Variants in SLC6A9 observed in about 807,000 individuals in gnomAD.
SLC6A9 encodes sodium- and chloride-dependent glycine transporter 1.
Under a neutral mutation model 70.9 loss-of-function variants are expected in SLC6A9, and 31 were observed. The ratio of observed to expected loss-of-function variants is 0.44; its 90% CI spans 0.33 to 0.59. The LOEUF is 0.59. Ranked by LOEUF, SLC6A9 falls within the 20% of genes least tolerant of loss-of-function variation. The probability of loss-of-function intolerance (pLI) is 0.04; values close to 1 mark genes in which losing one functional copy is unlikely to be tolerated. For missense variants in SLC6A9, 631 were observed against 845.2 expected, an observed-to-expected ratio of 0.75 and a Z score of 3.14; for synonymous variants, 310 against 341.3, an observed-to-expected ratio of 0.91 and a Z score of 1.01.
intron 1 of SLC6A9, among the ~76,000 whole-genome samples, chr1:44,025,525 C>T (rs892778318): frequency 4.6e-5 from 7 of 150,560 alleles, no homozygotes; most frequent in Non-Finnish European, 8.8e-5. Context: ...CTTGGCCAGA[C>T]GTGGTGGCTC....
chr1:44,024,934 C>T (rs998498183), intron 1 of SLC6A9, among the ~76,000 whole-genome samples: 1 of 152,240 alleles, frequency 6.6e-6, no homozygotes, highest in African/African-American at 2.4e-5. Flanking sequence ...TGAAATTCTA[C>T]AAATCTTCGG....
intron 12 of SLC6A9, among the ~76,000 whole-genome samples, chr1:43,999,642 G>C (rs2086014001): frequency 1.3e-5 from 2 of 152,168 alleles, no homozygotes; most frequent in Admixed American, 1.3e-4. Flanking sequence ...CCAGTGGCCA[G>C]AGCGGGGAGC....
intron 2 of SLC6A9, chr1:44,011,602 G>A (rs779171781): frequency 1.9e-6 from 3 of 1,614,102 alleles, no homozygotes; most frequent in South Asian, 1.1e-5. Flanking sequence ...AGTTGGGGAA[G>A]GAGACCAGAG....
rs1256515157 is a variant in SLC6A9, at chr1:44,030,141, G to A, written c.-86+1165C>T. On this transcript the variant is annotated intron_variant, in intron 1 of 13. Transcript: ENST00000372310. ...GCCGGCCCGAGGCGCGGAGGCCTCCGGCCGGCGGGCAGGGGCGCGGTCGGT... is the reference window on the plus strand; with the variant it reads ...GCCGGCCCGAGGCGCGGAGGCCTCCAGCCGGCGGGCAGGGGCGCGGTCGGT... Among the ~76,000 whole-genome samples, 4 of 152,096 alleles carry A rather than the reference G, an allele frequency of 2.6e-5. No homozygotes were observed. The South Asian group carries it at 6.2e-4, about 24-fold the overall frequency.
rs61601279 is a variant in SLC6A9 at position 44,010,456 on chromosome 1, CGGGGGGGGG to C, written c.187+261_187+269del. The C allele has an allele frequency of 9.1e-5, 5 of 54,774 alleles. 1 individual carries two copies. Among genetic ancestry groups the C allele is most frequent in the Non-Finnish European group, 2.7e-4 (5 of 18,378 alleles). The allele number at this position is 54,774 out of a possible 1,614,324, so 3.4% of individuals were successfully genotyped here. ...GGAATAGAACAGGGAGCCTTGTGGG[CGGGGGGGGG>C]GGGGGGTTAGGTCCTTTTCTCACCT... On this transcript the variant is annotated intron_variant, in intron 3 of 13. Coordinates refer to ENST00000372310, the MANE Select transcript of SLC6A9 (RefSeq NM_001024845.3).
intron 2 of SLC6A9, among the ~76,000 whole-genome samples, chr1:44,019,529 C>T (rs973165260): frequency 6.6e-6 from 1 of 152,268 alleles, no homozygotes. Flanking sequence ...GGTCCCGTCA[C>T]CCATGATGCC....
chr1:43,998,074 G>T, intron 12 of SLC6A9, 49 bp from the exon 13 acceptor site: 1 of 1,533,800 alleles, frequency 6.5e-7, no homozygotes, highest in Non-Finnish European at 8.9e-7. Flanking sequence ...CCAGAGCCCA[G>T]ACCCCAGGCC....
chr1:44,030,310 C>CCCCCGG (rs1273148853), intron 1 of SLC6A9: 1 of 152,202 alleles, frequency 6.6e-6, no homozygotes, highest in Non-Finnish European at 1.5e-5. Context: ...GGCGGCCCCG[C>CCCCCGG]CCCCGGCCCC....
At chr1:43,998,982 A>AGC (rs1553160175) in intron 12 of SLC6A9, among the ~76,000 whole-genome samples, 8 of 134,682 alleles carry the variant, frequency 5.9e-5, no homozygotes, top group African/African-American at 1.1e-4. Flanking sequence ...TGGCGGGGGA[A>AGC]GGGGGGGGGC....
At chr1:44,016,915 G>T in intron 2 of SLC6A9, 2 of 892,044 alleles carry the variant, frequency 2.2e-6, no homozygotes, top group Non-Finnish European at 3.3e-6. Flanking sequence ...TTTGGCTGGT[G>T]TCTGTCTTGC....
Position 44,010,852 on chromosome 1 carries a change from T to C in SLC6A9, c.61A>G (p.Arg21Gly). The C allele has an allele frequency of 6.2e-7, 1 of 1,614,198 alleles. No homozygotes were observed. Among genetic ancestry groups the C allele is most frequent in the Non-Finnish European group, 8.5e-7 (1 of 1,180,024 alleles). Residue 21 changes from arginine (R) to glycine (G), a missense_variant, in exon 3 of 14, where the codon AGG becomes GGG. Arg to Gly is a moderately radical substitution (Grantham distance 125). Coordinates refer to ENST00000372310, the MANE Select transcript of SLC6A9 (RefSeq NM_001024845.3). ...NGAVPSEATK[R>G]DQNLKRGNWG... ...TTGCCCCGTTTGAGGTTCTGGTCCCTCTTGGTGGCCTCGCTGGGCACAGCA... is the reference window on the plus strand; with the variant it reads ...TTGCCCCGTTTGAGGTTCTGGTCCCCCTTGGTGGCCTCGCTGGGCACAGCA...
chr1:44,007,892 CT>C (rs55829171), intron 5 of SLC6A9, among the ~76,000 whole-genome samples: 102,860 of 128,912 alleles, frequency 0.8, 40,748 homozygotes, highest in Non-Finnish European at 0.82. Context: ...TGCTTTCTTT[CT>C]TTTTTTTTTT....
intron 2 of SLC6A9, chr1:44,017,113 C>A: frequency 6.2e-7 from 1 of 1,606,194 alleles, no homozygotes; most frequent in South Asian, 1.1e-5. Flanking sequence ...CGATCGCAGC[C>A]CGCGTGTCTC....
At position 44,002,387 on chromosome 1, in the gene SLC6A9, G is replaced by A; in HGVS notation, c.888C>T (p.Phe296=). ...CTCCCCACGCGCAGCCCAGTGAGTAGAAGATCTGGGAGGCAGCATCACCCC... is the reference window on the plus strand; with the variant it reads ...CTCCCCACGCGCAGCCCAGTGAGTAAAAGATCTGGGAGGCAGCATCACCCC... The part of the protein sequence containing the change: ...KVWGDAASQI[F]YSLGCAWGGL... The change falls in exon 8 of 14, where the codon TTC becomes TTT. Residue 296 remains phenylalanine, a synonymous_variant. Coordinates refer to ENST00000372310, the MANE Select transcript of SLC6A9 (RefSeq NM_001024845.3). The surrounding 1 kb of genome is among the most constrained non-coding windows in gnomAD (Gnocchi z 5.5). 6.2e-7 allele frequency: 1 copy of A among 1,614,138 alleles called. No individual in the cohort carries two copies. The highest frequency in any genetic ancestry group is 1.3e-5 in the African/African-American group (1 of 75,046).
Position 44,009,976 on chromosome 1 carries a change from G to A in SLC6A9, c.308C>T (p.Pro103Leu). 1 of 1,614,042 alleles carries A rather than the reference G, an allele frequency of 6.2e-7. No homozygotes were observed. Among genetic ancestry groups the A allele is most frequent in the Non-Finnish European group, 8.5e-7 (1 of 1,179,942 alleles). Residue 103 changes from proline to leucine, a missense_variant, in exon 4 of 14, where the codon CCC (proline) becomes CTC (leucine). Coordinates refer to ENST00000372310, the MANE Select transcript of SLC6A9 (RefSeq NM_001024845.3). ...CGCCCAGGCCTCACCTTTGAACATGGGGCTGATCCTCCAGACCCCCAGGCA... is the reference window on the plus strand; with the variant it reads ...CGCCCAGGCCTCACCTTTGAACATGAGGCTGATCCTCCAGACCCCCAGGCA... The part of the protein sequence containing the change: ...QGCLGVWRIS[P>L]MFKGVGYGMM...
intron 2 of SLC6A9, among the ~76,000 whole-genome samples, chr1:44,020,224 G>A (rs1460434662): frequency 2.0e-5 from 3 of 152,184 alleles, no homozygotes; most frequent in Non-Finnish European, 4.4e-5. Context: ...AGCACCTGCT[G>A]TGTGTGAGAA....
At chr1:44,003,504 C>T (rs1291248397) in intron 5 of SLC6A9, among the ~76,000 whole-genome samples, 1 of 152,158 alleles carries the variant, frequency 6.6e-6, no homozygotes, top group Non-Finnish European at 1.5e-5. Flanking sequence ...CACCTGTAAT[C>T]CCAGCACTTT....
At chr1:44,010,653 G>A in intron 3 of SLC6A9, 73 bp downstream of exon 3, 2 of 1,450,350 alleles carry the variant, frequency 1.4e-6, no homozygotes, top group Non-Finnish European at 1.9e-6. Flanking sequence ...CTGTGCCAGG[G>A]AGAGGGTGGC....
In SLC6A9 at chr1:44,031,401, CTG is replaced by C. The variant is rs2087119847; in HGVS notation, c.-183_-182del. Reference sequence around the variant, plus strand: ...AAAGTTGCATCAGCCTCCCGAGGCTCTGTGCCGCGCCGAGTTCGCCCGCCCCG... The same window carrying C: ...AAAGTTGCATCAGCCTCCCGAGGCTCTGCCGCGCCGAGTTCGCCCGCCCCG... On this transcript the variant is annotated 5_prime_UTR_variant, in exon 1 of 14. Transcript: ENST00000372310. 6.6e-6 allele frequency: 1 copy of C among 152,342 alleles called. No individual in the cohort carries two copies. Among genetic ancestry groups the C allele is most frequent in the Admixed American group, 6.5e-5 (1 of 15,294 alleles). 9.4% of individuals were successfully genotyped at this position (152,342 alleles called of 1,614,324 possible). A position where few individuals can be genotyped will look rare whatever the true frequency, so the allele number is the denominator to read the frequency against.
Sources: gnomAD v4.1 joint callset for allele counts (sites outside exome capture counted in the v4.1 genomes callset) on GRCh38, gnomAD v4.1.1 for gene constraint, Gnocchi (gnomAD v3.1) non-coding constraint, MANE v1.5 for transcripts, NCBI Gene and HGNC (gene_info 2026-07-23, HGNC 2026-07-21) for gene names.